DGKB: variants seen among roughly 807,000 people sequenced by gnomAD.
DGKB encodes 90 kDa diacylglycerol kinase.
DGKB carries 67 observed loss-of-function variants against 114.3 expected under a neutral mutation model. The observed-to-expected ratio is 0.59, with a 90% CI of 0.48 to 0.72. DGKB has a LOEUF of 0.72. Ranked by LOEUF, DGKB falls within the 30% of genes least tolerant of loss-of-function variation. DGKB has a pLI of 0.00. For missense variants in DGKB, 907 were observed against 975.2 expected (o/e 0.93, Z 0.93); for synonymous variants, 398 against 323.1 (o/e 1.23, Z -2.49).
intron 21 of DGKB, among the ~76,000 whole-genome samples, chr7:14,388,986 C>G (rs571820180): frequency 1.6e-3 from 248 of 152,338 alleles, no homozygotes; most frequent in Non-Finnish European, 3.0e-3. Context: ...TCATTTAAAA[C>G]AGTCACTGCC....
At chr7:14,295,107 T>C (rs1802330704) in intron 23 of DGKB, among the ~76,000 whole-genome samples, 1 of 152,130 alleles carries the variant, frequency 6.6e-6, no homozygotes, top group Non-Finnish European at 1.5e-5. Flanking sequence ...CATCACTGTT[T>C]CCCCAGCATG....
intron 23 of DGKB, among the ~76,000 whole-genome samples, chr7:14,228,499 G>C (rs557560684): frequency 2.0e-4 from 31 of 152,002 alleles, no homozygotes; most frequent in Admixed American, 1.9e-3. Flanking sequence ...TGAGTAATCT[G>C]AAAACAATTT....
chr7:14,395,601 A>T (rs747052791), intron 21 of DGKB, among the ~76,000 whole-genome samples: 3 of 151,846 alleles, frequency 2.0e-5, no homozygotes, highest in Non-Finnish European at 4.4e-5. Flanking sequence ...ATAAGTAAAA[A>T]ATTTCAGAGA....
chr7:14,794,206 G>A (rs1486128350), intron 2 of DGKB, among the ~76,000 whole-genome samples: 1 of 152,090 alleles, frequency 6.6e-6, no homozygotes, highest in African/African-American at 2.4e-5. Flanking sequence ...TGGTTCTAGA[G>A]GAACGTAATT....
At chr7:14,859,088 G>A (rs1450397213) in intron 1 of DGKB, among the ~76,000 whole-genome samples, 3 of 152,092 alleles carry the variant, frequency 2.0e-5, no homozygotes, top group Admixed American at 2.0e-4. Context: ...GGGATTATGT[G>A]TTGTTCACCA....
In DGKB at chr7:14,613,421, A is replaced by G; in HGVS notation, c.1285-8T>C. ...ACCAGGCACAGGAGTGACCTATAAG[A>G]AAAGTTATATACATGGAAAAATTAT... On this transcript the variant is annotated splice_region_variant and splice_polypyrimidine_tract_variant and intron_variant, in intron 15 of 25. Coordinates refer to ENST00000402815, the MANE Select transcript of DGKB (RefSeq NM_001350709.2). The G allele has an allele frequency of 6.6e-7, 1 of 1,518,558 alleles. No homozygotes were observed. The highest frequency in any genetic ancestry group is 9.0e-7 in the Non-Finnish European group (1 of 1,115,388). The allele number at this position is 1,518,558 out of a possible 1,614,324, so 94.1% of individuals were successfully genotyped here. A position where few individuals can be genotyped will look rare whatever the true frequency, so the allele number is the denominator to read the frequency against.
intron 20 of DGKB, among the ~76,000 whole-genome samples, chr7:14,565,103 G>A (rs1368505548): frequency 1.3e-5 from 2 of 151,980 alleles, no homozygotes; most frequent in African/African-American, 4.8e-5. Context: ...ATATTCTTTG[G>A]CTAATGACAC....
intron 23 of DGKB, among the ~76,000 whole-genome samples, chr7:14,250,602 A>G (rs1395042894): frequency 6.6e-6 from 1 of 152,184 alleles, no homozygotes; most frequent in Non-Finnish European, 1.5e-5. Flanking sequence ...GCCCTTGAAC[A>G]GAATGTGCAT....
At chr7:14,859,229 GA>G (rs35800158) in intron 1 of DGKB, among the ~76,000 whole-genome samples, 1 of 151,854 alleles carries the variant, frequency 6.6e-6, no homozygotes, top group Non-Finnish European at 1.5e-5. Context: ...TGAGGTCTGG[GA>G]AAAAAAGCAG....
At chr7:14,501,120 A>T (rs1327232667) in intron 20 of DGKB, among the ~76,000 whole-genome samples, 6 of 151,926 alleles carry the variant, frequency 3.9e-5, no homozygotes, top group Non-Finnish European at 8.8e-5. Flanking sequence ...CAGGGAAAAA[A>T]TCAAATCCAG....
At chr7:14,277,010 T>C in intron 23 of DGKB, among the ~76,000 whole-genome samples, 1 of 152,104 alleles carries the variant, frequency 6.6e-6, no homozygotes, top group African/African-American at 2.4e-5. Flanking sequence ...TTGCTTATTT[T>C]AAAATATAAG....
At chr7:14,357,498 G>A (rs572650121) in intron 21 of DGKB, among the ~76,000 whole-genome samples, 18 of 152,152 alleles carry the variant, frequency 1.2e-4, no homozygotes, top group South Asian at 4.1e-4. Flanking sequence ...ATCTTTGCAC[G>A]TGAGATGGGT....
chr7:14,897,762 A>G (rs1782343821), intron 1 of DGKB, among the ~76,000 whole-genome samples: 2 of 152,016 alleles, frequency 1.3e-5, no homozygotes, highest in Admixed American at 6.6e-5. Context: ...ACTTCTACTT[A>G]TTAAAATACA....
chr7:14,315,740 C>G (rs1036857474), intron 23 of DGKB, among the ~76,000 whole-genome samples: 4 of 151,056 alleles, frequency 2.6e-5, no homozygotes. Context: ...AGAAAGTCAA[C>G]AAGGATACCC....
chr7:14,424,258 T>C (rs1171786842), intron 21 of DGKB, among the ~76,000 whole-genome samples: 4 of 152,122 alleles, frequency 2.6e-5, no homozygotes, highest in Admixed American at 2.6e-4. Context: ...TTTGTTTATT[T>C]ATTTGTTTCA....
chr7:14,383,839 C>A (rs1339055404), intron 21 of DGKB, among the ~76,000 whole-genome samples: 1 of 152,190 alleles, frequency 6.6e-6, no homozygotes, highest in Non-Finnish European at 1.5e-5. Context: ...GAATTCAAAT[C>A]TGGGTTCTAA....
chr7:14,540,649 A>T (rs1793273316), intron 20 of DGKB, among the ~76,000 whole-genome samples: 1 of 152,190 alleles, frequency 6.6e-6, no homozygotes, highest in Admixed American at 6.5e-5. Context: ...TTTGAGTTAC[A>T]AATTTATGAG....
intron 2 of DGKB, among the ~76,000 whole-genome samples, chr7:14,768,111 C>T (rs879607668): frequency 6.6e-6 from 1 of 151,930 alleles, no homozygotes; most frequent in Non-Finnish European, 1.5e-5. Context: ...ATATTATTTG[C>T]TCACATACAT....
intron 1 of DGKB, among the ~76,000 whole-genome samples, chr7:14,899,663 G>T (rs1782674625): frequency 6.6e-6 from 1 of 151,906 alleles, no homozygotes; most frequent in Non-Finnish European, 1.5e-5. Context: ...CAGAGTTTGG[G>T]TAGCCAAAGC....
Sources: gnomAD v4.1 joint callset for allele counts (sites outside exome capture counted in the v4.1 genomes callset) on GRCh38, gnomAD v4.1.1 for gene constraint, MANE v1.5 for transcripts, NCBI Gene and HGNC (gene_info 2026-07-23, HGNC 2026-07-21) for gene names.